CDH18: variants seen among roughly 807,000 people sequenced by gnomAD.
CDH18 encodes the protein cadherin-18.
A neutral mutation model predicts 67.9 loss-of-function variants in CDH18; 31 were observed. The observed-to-expected ratio is 0.46, with a 90% CI of 0.34 to 0.62. CDH18 has a LOEUF of 0.62. CDH18 is among the 20% of genes least tolerant of loss of function. The probability of loss-of-function intolerance (pLI) is 0.01; values close to 1 mark genes in which losing one functional copy is unlikely to be tolerated. For synonymous variants in CDH18, 362 were observed against 347.2 expected, an observed-to-expected ratio of 1.04 and a Z score of -0.48; for missense variants, 890 against 975.5, an observed-to-expected ratio of 0.91 and a Z score of 1.17.
At chr5:19,773,880 CACCA>C (rs1428274495) in intron 3 of CDH18, among the ~76,000 whole-genome samples, 2 of 151,986 alleles carry the variant, frequency 1.3e-5, no homozygotes, top group African/African-American at 4.8e-5. Flanking sequence ...CAGGTGGGAA[CACCA>C]AGAACACATT....
intron 5 of CDH18, among the ~76,000 whole-genome samples, chr5:19,641,873 A>G (rs1315901489): frequency 1.3e-5 from 2 of 151,982 alleles, no homozygotes; most frequent in African/African-American, 4.8e-5. Context: ...CCCAAATTGG[A>G]AAGAAAAATT....
chr5:20,461,545 G>A (rs1318111968), intron 1 of CDH18, among the ~76,000 whole-genome samples: 4 of 152,014 alleles, frequency 2.6e-5, no homozygotes, highest in African/African-American at 7.2e-5. Context: ...TGTCTTTAAT[G>A]TGAGGGCTGC....
chr5:20,150,510 A>G lies in CDH18; in HGVS notation c.-518+104934T>C, dbSNP rs563886239. Among the ~76,000 whole-genome samples the G allele has an allele frequency of 2.6e-5, 4 of 152,238 alleles. No individual in the cohort carries two copies. In the East Asian group the frequency reaches 7.7e-4, roughly 29 times the overall value. The stretch of plus-strand genomic sequence containing the variant: ...CAATCAAGGAAGTGTTTACATTTAA[A>G]GGGAAGGATGGGGCTGTGATAGGGA... On this transcript the variant is annotated intron_variant, in intron 2 of 14. Transcript: ENST00000507958.
At chr5:20,305,645 G>T (rs1164708442) in intron 1 of CDH18, 24 of 443,028 alleles carry the variant, frequency 5.4e-5, no homozygotes, top group South Asian at 4.9e-4. Context: ...CCATGTCCGG[G>T]GGGTGGGGGG....
At chr5:20,241,770 T>C (rs1742916265) in intron 2 of CDH18, among the ~76,000 whole-genome samples, 2 of 150,652 alleles carry the variant, frequency 1.3e-5, no homozygotes, top group South Asian at 2.1e-4. Flanking sequence ...GAGAATGGCG[T>C]GAACCCGGAA....
At chr5:19,657,353 CAT>C (rs1756545798) in intron 5 of CDH18, among the ~76,000 whole-genome samples, 2 of 152,068 alleles carry the variant, frequency 1.3e-5, no homozygotes, top group African/African-American at 2.4e-5. Context: ...TTTTCAGTAA[CAT>C]TAACTCTCCA....
At chr5:19,844,016 A>C in intron 2 of CDH18, among the ~76,000 whole-genome samples, 1 of 152,200 alleles carries the variant, frequency 6.6e-6, no homozygotes, top group East Asian at 1.9e-4. Context: ...TGTATCTATG[A>C]AAGAACTAAC....
In CDH18 at chr5:20,547,793, T is replaced by C. The variant is rs543166470; in HGVS notation, c.-580+27669A>G. Reference sequence around the variant, plus strand: ...AGTAGGAAGACTGAAGCAGAGTCAGTAAGATTTCAGTGTGTAACTTCATGT... The same window carrying C: ...AGTAGGAAGACTGAAGCAGAGTCAGCAAGATTTCAGTGTGTAACTTCATGT... On this transcript the variant is annotated intron_variant, in intron 1 of 14. Coordinates refer to the CDH18 transcript ENST00000507958. Among the ~76,000 whole-genome samples the C allele has an allele frequency of 7.3e-4, 111 of 152,240 alleles. 1 individual carries two copies. Among genetic ancestry groups the C allele is most frequent in the African/African-American group, 2.7e-3 (111 of 41,552 alleles).
intron 2 of CDH18, among the ~76,000 whole-genome samples, chr5:20,144,770 T>A (rs1288956454): frequency 1.3e-5 from 2 of 152,124 alleles, no homozygotes; most frequent in Non-Finnish European, 2.9e-5. Context: ...GAAGACAGGG[T>A]ATTTAGAGAA....
intron 5 of CDH18, among the ~76,000 whole-genome samples, chr5:19,666,914 A>G (rs572258849): frequency 7.9e-5 from 12 of 152,234 alleles, no homozygotes; most frequent in African/African-American, 2.9e-4. Context: ...AAAGATATAT[A>G]AAGAGGACAA....
chr5:20,262,856 G>T (rs1157640892), intron 1 of CDH18, among the ~76,000 whole-genome samples: 4 of 151,550 alleles, frequency 2.6e-5, no homozygotes, highest in African/African-American at 9.7e-5. Context: ...CAAGGAAGTG[G>T]CTCTAAACCA....
At chr5:19,751,031 C>T (rs12109816) in intron 3 of CDH18, among the ~76,000 whole-genome samples, 102,995 of 151,960 alleles carry the variant, frequency 0.68, 40,353 homozygotes, top group Non-Finnish European at 0.86. Flanking sequence ...AAAATGCAGT[C>T]ACCCTAGTGA....
chr5:20,541,835 G>T (rs1040331207), intron 1 of CDH18, among the ~76,000 whole-genome samples: 1 of 152,210 alleles, frequency 6.6e-6, no homozygotes, highest in Non-Finnish European at 1.5e-5. Context: ...AGAGGTAATT[G>T]TGTGGAGTGA....
intron 2 of CDH18, among the ~76,000 whole-genome samples, chr5:19,968,249 G>A (rs1797663992): frequency 2.0e-5 from 3 of 151,690 alleles, no homozygotes. Context: ...TCAATATCGT[G>A]AAAATGGCCA....
At chr5:19,488,865 A>G (rs897056444) in intron 11 of CDH18, among the ~76,000 whole-genome samples, 1 of 152,138 alleles carries the variant, frequency 6.6e-6, no homozygotes, top group Non-Finnish European at 1.5e-5. Context: ...CCTTTCTTTG[A>G]ATCTTACAGT....
intron 4 of CDH18, among the ~76,000 whole-genome samples, chr5:19,731,142 C>G (rs967993759): frequency 1.3e-5 from 2 of 152,110 alleles, no homozygotes; most frequent in African/African-American, 4.8e-5. Flanking sequence ...AGGCACTTCT[C>G]TTCAGTGTTA....
intron 5 of CDH18, among the ~76,000 whole-genome samples, chr5:19,649,138 T>G (rs1755210725): frequency 6.6e-6 from 1 of 152,176 alleles, no homozygotes; most frequent in Admixed American, 6.5e-5. Context: ...TAAAGATTAA[T>G]ATTAAACCAG....
intron 3 of CDH18, among the ~76,000 whole-genome samples, chr5:19,754,774 CT>C (rs1273157220): frequency 2.6e-5 from 4 of 152,102 alleles, no homozygotes; most frequent in Admixed American, 1.3e-4. Context: ...CAAAATGAGC[CT>C]CAATAAATTT....
intron 1 of CDH18, chr5:20,305,634 G>C: frequency 3.8e-5 from 17 of 443,786 alleles, no homozygotes; most frequent in East Asian, 5.0e-5. Context: ...AGACTCAAAC[G>C]CCATGTCCGG....
Sources: allele counts gnomAD v4.1 joint callset (sites outside exome capture counted in the v4.1 genomes callset), GRCh38; gene constraint gnomAD v4.1.1; transcripts MANE v1.5; gene names NCBI Gene and HGNC (gene_info 2026-07-23, HGNC 2026-07-21).